The following LYRM9 variants were observed in gnomAD, a reference collection of about 807,000 sequenced individuals.
LYRM9 encodes the protein LYR motif-containing protein 9.
Under a neutral mutation model 12.6 loss-of-function variants are expected in LYRM9, and 14 were observed. The ratio of observed to expected loss-of-function variants is 1.11; its 90% CI spans 0.73 to 1.73. The LOEUF (loss-of-function observed/expected upper bound fraction) is 1.73, where lower values mean the gene tolerates loss of function less well. Ranked by LOEUF, LYRM9 falls within the 40% of genes most tolerant of loss-of-function variation. The pLI is 0.00. For missense variants in LYRM9, 94 were observed against 95.0 expected, an observed-to-expected ratio of 0.99 and a Z score of 0.04; for synonymous variants, 42 against 35.1, an observed-to-expected ratio of 1.20 and a Z score of -0.69.
intron 1 of LYRM9, among the ~76,000 whole-genome samples, chr17:27,885,701 CAAAAAAA>C (rs61615628): frequency 7.1e-4 from 21 of 29,388 alleles, no homozygotes; most frequent in African/African-American, 1.2e-3. Flanking sequence ...AACTCTGTCT[CAAAAAAA>C]AAAAAAAAAA....
intron 1 of LYRM9, among the ~76,000 whole-genome samples, chr17:27,885,671 G>GC (rs1174479624): frequency 7.9e-6 from 1 of 126,556 alleles, no homozygotes; most frequent in Non-Finnish European, 1.5e-5. Context: ...ACGGCACTCA[G>GC]CCCGGATGAC....
At position 27,880,382 on chromosome 17, in the gene LYRM9, T is replaced by A. The variant is rs773425806; in HGVS notation, c.127-16A>T. ...CCCGAAAACTCTGCAAGTTTAAGCA[T>A]AAAGAAAGATGACTAGGCAAAATTC... On this transcript the variant is annotated splice_polypyrimidine_tract_variant and intron_variant, in intron 2 of 3. Transcript: ENST00000379102. 8.8e-6 allele frequency: 14 copies of A among 1,583,740 alleles called. No individual in the cohort carries two copies. Among genetic ancestry groups the A allele is most frequent in the Non-Finnish European group, 1.2e-5 (14 of 1,162,852 alleles).
At chr17:27,880,412 G>C (rs961364866) in intron 2 of LYRM9, 46 bp from the exon 3 acceptor site, 1 of 1,455,946 alleles carries the variant, frequency 6.9e-7, no homozygotes, top group Non-Finnish European at 9.5e-7. Context: ...AAATTCCCAG[G>C]ACAGGCAGCT....
chr17:27,890,937 C>T (rs1047775798), intron 1 of LYRM9, among the ~76,000 whole-genome samples: 1 of 151,466 alleles, frequency 6.6e-6, no homozygotes, highest in African/African-American at 2.4e-5. Flanking sequence ...CTCCCCCAGT[C>T]CCTCTCCTAC....
chr17:27,884,805 C>A (rs1276597948), intron 1 of LYRM9, among the ~76,000 whole-genome samples: 1 of 150,062 alleles, frequency 6.7e-6, no homozygotes, highest in African/African-American at 2.5e-5. Context: ...TAGTGACTGG[C>A]CTTAGTTTTA....
At chr17:27,891,549 C>T (rs1252159884) in intron 1 of LYRM9, among the ~76,000 whole-genome samples, 1 of 152,196 alleles carries the variant, frequency 6.6e-6, no homozygotes, top group South Asian at 2.1e-4. Context: ...ACCTTGACTT[C>T]TTCACCTGCC....
In LYRM9 at chr17:27,879,396, A is replaced by G; in HGVS notation, c.*77T>C. 6.7e-7 allele frequency: 1 copy of G among 1,487,226 alleles called. No individual in the cohort carries two copies. The highest frequency in any genetic ancestry group is 9.1e-7 in the Non-Finnish European group (1 of 1,104,938). The allele number at this position is 1,487,226 out of a possible 1,614,324, so 92.1% of individuals were successfully genotyped here. On this transcript the variant is annotated 3_prime_UTR_variant, in exon 4 of 4. Transcript: ENST00000379102. The stretch of plus-strand genomic sequence containing the variant: ...GCCAACAAGGCCAATGGCTCTTCCA[A>G]ACCAGCTGCTGCTGCTGAGCTCCAG...
chr17:27,893,281 C>T (rs964938606), intron 1 of LYRM9, 36 bp downstream of exon 1: 10 of 153,174 alleles, frequency 6.5e-5, no homozygotes, highest in Admixed American at 5.9e-4. Flanking sequence ...CCCCCGCGCC[C>T]CCGCCCTCGG....
At chr17:27,891,288 C>T (rs980664602) in intron 1 of LYRM9, among the ~76,000 whole-genome samples, 2 of 152,210 alleles carry the variant, frequency 1.3e-5, no homozygotes, top group South Asian at 4.1e-4. Context: ...TGGGATCAGA[C>T]AGTCTGGGTT....
intron 3 of LYRM9, 39 bp downstream of exon 3, chr17:27,880,235 C>A (rs768813411): frequency 1.3e-6 from 2 of 1,493,796 alleles, no homozygotes; most frequent in Admixed American, 1.9e-5. Flanking sequence ...GCCATCATCA[C>A]CCCAGCTCGC....
intron 1 of LYRM9, among the ~76,000 whole-genome samples, chr17:27,890,815 A>C (rs1163457163): frequency 6.6e-6 from 1 of 152,176 alleles, no homozygotes; most frequent in Non-Finnish European, 1.5e-5. Context: ...TCTTGAAGGG[A>C]AAAGTTGAAA....
chr17:27,878,578 CT>C lies in LYRM9; in HGVS notation c.*894del, dbSNP rs1286113085. On this transcript the variant is annotated 3_prime_UTR_variant, in exon 4 of 4. Coordinates refer to ENST00000379102, the MANE Select transcript of LYRM9 (RefSeq NM_001076680.3). ...CCCTGAGCCCACCCACCTTCTCCCC[CT>C]CCCTTCCATTCTTCCACGATGGTAG... is the stretch of plus-strand genomic sequence containing the variant. The C allele has an allele frequency of 1.3e-5, 2 of 152,358 alleles. No individual in the cohort carries two copies. The highest frequency in any genetic ancestry group is 1.9e-4 in the East Asian group (1 of 5,172). The allele number at this position is 152,358 out of a possible 1,614,324, so 9.4% of individuals were successfully genotyped here.
At chr17:27,889,251 C>T (rs77339052) in intron 1 of LYRM9, among the ~76,000 whole-genome samples, 1,796 of 152,162 alleles carry the variant, frequency 0.012, 24 homozygotes, top group Middle Eastern at 0.037. Flanking sequence ...GGGGCCCTCA[C>T]GTGGCCCTGG....
In LYRM9 at chr17:27,882,633, A is replaced by T. The variant is rs775958214; in HGVS notation, c.62T>A (p.Leu21Gln). 8 of 1,602,040 alleles carry T rather than the reference A, an allele frequency of 5.0e-6. No individual in the cohort carries two copies. The highest frequency in any genetic ancestry group is 8.5e-7 in the Non-Finnish European group (1 of 1,175,006). ...GGTCGGCAGCTGCTGGCAACAGCGC[A>T]GCAAGTATCGGTAGAGCTGCAGTGG... ...RRPLQLYRYL[L>Q]RCCQQLPTKG... Residue 21 changes from leucine (L) to glutamine (Q), a missense_variant, in exon 2 of 4, where the codon CTG becomes CAG. Coordinates refer to ENST00000379102, the MANE Select transcript of LYRM9 (RefSeq NM_001076680.3).
chr17:27,883,394 G>C (rs1007733787), intron 1 of LYRM9: 4 of 184,340 alleles, frequency 2.2e-5, no homozygotes, highest in African/African-American at 4.8e-5. Context: ...ACAATGGGCT[G>C]GGCGTAGTGG....
chr17:27,879,829 A>C, intron 3 of LYRM9: 1 of 556,994 alleles, frequency 1.8e-6, no homozygotes, highest in Non-Finnish European at 3.2e-6. Context: ...GCCAGTCTAC[A>C]TTCCTGACTC....
At chr17:27,880,680 T>G (rs370853717) in intron 2 of LYRM9, 3 of 383,110 alleles carry the variant, frequency 7.8e-6, no homozygotes, top group East Asian at 5.2e-5. Flanking sequence ...GGCAGTAGAG[T>G]CCAAGGGGAA....
chr17:27,887,622 A>G (rs944601689), intron 1 of LYRM9, among the ~76,000 whole-genome samples: 3 of 151,972 alleles, frequency 2.0e-5, no homozygotes, highest in Non-Finnish European at 4.4e-5. Flanking sequence ...TTTGCCTGTT[A>G]TGGTCTCAGC....
At chr17:27,887,760 CAGAG>C (rs1905286256) in intron 1 of LYRM9, among the ~76,000 whole-genome samples, 2 of 102,454 alleles carry the variant, frequency 2.0e-5, no homozygotes, top group Non-Finnish European at 4.3e-5. Context: ...GTGTGTGTGT[CAGAG>C]AGAGACAGAG....
Sources: allele counts gnomAD v4.1 joint callset (sites outside exome capture counted in the v4.1 genomes callset), GRCh38; gene constraint gnomAD v4.1.1; transcripts MANE v1.5; gene names NCBI Gene and HGNC (gene_info 2026-07-23, HGNC 2026-07-21).